The following USH1C variants were observed in gnomAD, a reference collection of about 807,000 sequenced individuals.
The protein encoded by USH1C is harmonin.
Under a neutral mutation model 119.3 loss-of-function variants are expected in USH1C, and 90 were observed. The observed-to-expected ratio is 0.75, with a 90% confidence interval of 0.64 to 0.90. The LOEUF (loss-of-function observed/expected upper bound fraction) is 0.90, where lower values mean the gene tolerates loss of function less well. Ranked by LOEUF, USH1C falls within the 40% of genes least tolerant of loss-of-function variation. USH1C has a pLI of 0.00. For synonymous variants in USH1C, 465 were observed against 443.3 expected, an observed-to-expected ratio of 1.05 and a Z score of -0.62; for missense variants, 1,165 against 1,167.7, an observed-to-expected ratio of 1.00 and a Z score of 0.03.
At chr11:17,539,074 G>A (rs541267060) in intron 1 of USH1C, among the ~76,000 whole-genome samples, 1 of 152,282 alleles carries the variant, frequency 6.6e-6, no homozygotes, top group Admixed American at 6.5e-5. Context: ...TTAGCCATTA[G>A]CAATGGTGGT....
chr11:17,530,106 C>A (rs1438345370), intron 4 of USH1C, among the ~76,000 whole-genome samples: 1 of 152,246 alleles, frequency 6.6e-6, no homozygotes, highest in Non-Finnish European at 1.5e-5. Flanking sequence ...CTGTTTCCAC[C>A]CCTTACGCCA....
intron 1 of USH1C, among the ~76,000 whole-genome samples, chr11:17,539,422 T>C (rs1851362219): frequency 6.6e-6 from 1 of 152,194 alleles, no homozygotes. Flanking sequence ...AGGACTAACA[T>C]CTCTTTTTAA....
At position 17,522,822 on chromosome 11, in the gene USH1C, G is replaced by C. The variant is rs2133876268; in HGVS notation, c.981C>G (p.Ser327=). Residue 327 remains serine (S), a synonymous_variant, in exon 12 of 27, where the codon TCC becomes TCG. Transcript: ENST00000005226. ...LLMQKRLAME[S]NKILQEQQEM... ...CCTGCTGCTCCTGGAGGATCTTGTT[G>C]GACTCCATCGCCAGCCGCTTCTGCA... 1.2e-6 allele frequency: 2 copies of C among 1,613,924 alleles called. No homozygotes were observed. Among genetic ancestry groups the C allele is most frequent in the Non-Finnish European group, 1.7e-6 (2 of 1,179,956 alleles).
chr11:17,541,069 G>C (rs1049282618), intron 1 of USH1C, among the ~76,000 whole-genome samples: 2 of 151,928 alleles, frequency 1.3e-5, no homozygotes. Flanking sequence ...TCCACTTTAG[G>C]GAATGCTCTT....
chr11:17,496,629 G>T, intron 25 of USH1C, 129 bp downstream of exon 25: 1 of 1,149,296 alleles, frequency 8.7e-7, no homozygotes, highest in East Asian at 2.5e-5. Context: ...AGGAGCTCTG[G>T]CTATGAGAAG....
In USH1C at chr11:17,527,391, A is replaced by T. The variant is rs1302800608; in HGVS notation, c.388-60T>A. The T allele has an allele frequency of 3.2e-5, 42 of 1,301,610 alleles. No individual in the cohort carries two copies. The East Asian group carries it at 8.3e-4, about 26-fold the overall frequency. 80.6% of individuals were successfully genotyped at this position (1,301,610 alleles called of 1,614,324 possible). On this transcript the variant is annotated intron_variant, in intron 4 of 26. Coordinates refer to ENST00000005226, the MANE Select transcript of USH1C (RefSeq NM_153676.4). ...GAGGGAGCATCAGGCAGTGGGGCAG[A>T]CTCACCACCAGATGCTCCCGGACTG...
At chr11:17,496,919 C>G in intron 24 of USH1C, 106 bp from the exon 25 acceptor site, 8 of 1,365,392 alleles carry the variant, frequency 5.9e-6, no homozygotes, top group Non-Finnish European at 8.2e-6. Flanking sequence ...ATCAGCCAGG[C>G]TGCACCTTCT....
Position 17,493,914 on chromosome 11 carries a change from A to C in USH1C, c.*418T>G. On this transcript the variant is annotated 3_prime_UTR_variant, in exon 27 of 27. Transcript: ENST00000005226. ...CTCCTATAAGCTGGAAAATAAATCTATTTTATTAATGAGCTCAGAGTAAGG... is the reference window on the plus strand; with the variant it reads ...CTCCTATAAGCTGGAAAATAAATCTCTTTTATTAATGAGCTCAGAGTAAGG... The C allele has an allele frequency of 6.4e-6, 1 of 155,210 alleles. No individual in the cohort carries two copies. Among genetic ancestry groups the C allele is most frequent in the Non-Finnish European group, 1.3e-5 (1 of 79,448 alleles). 9.6% of individuals were successfully genotyped at this position (155,210 alleles called of 1,614,324 possible).
chr11:17,501,181 C>A, intron 22 of USH1C, 31 bp from the exon 23 acceptor site: 1 of 1,566,864 alleles, frequency 6.4e-7, no homozygotes, highest in Non-Finnish European at 8.8e-7. Context: ...CTTAGGGAGC[C>A]AAGCAGACAG....
chr11:17,495,086 TG>T, intron 26 of USH1C: 1 of 239,490 alleles, frequency 4.2e-6, no homozygotes, highest in Non-Finnish European at 8.3e-6. Flanking sequence ...TGGCCAAGTG[TG>T]GGGGCCATGG....
chr11:17,501,549 G>A lies in USH1C; in HGVS notation c.2227-14C>T. ...CTCTGGGGTGAACTAGAGAGAAAAAGACAGTGGGAAGCTTTGAGCTGGCCT... is the reference window on the plus strand; with the variant it reads ...CTCTGGGGTGAACTAGAGAGAAAAAAACAGTGGGAAGCTTTGAGCTGGCCT... On this transcript the variant is annotated splice_polypyrimidine_tract_variant and intron_variant, in intron 21 of 26. Transcript: ENST00000005226. 6.2e-7 allele frequency: 1 copy of A among 1,610,482 alleles called. No individual in the cohort carries two copies. The highest frequency in any genetic ancestry group is 8.5e-7 in the Non-Finnish European group (1 of 1,178,126).
Position 17,517,424 on chromosome 11 carries a change from C to T in USH1C, c.1211-1134G>A, listed in dbSNP as rs115931035. 4,886 of 1,593,664 alleles carry T rather than the reference C, an allele frequency of 3.1e-3. 137 individuals are homozygous for T. The African/African-American group carries it at 0.051, about 17-fold the overall frequency. On this transcript the variant is annotated intron_variant, in intron 14 of 26. Transcript: ENST00000005226. ...ACCTGCTCTCCCTGCTCCTCCGTGC[C>T]TCCATCCAGGTCATCTGCGGGCTCG...
At chr11:17,537,277 C>T (rs1019309724) in intron 1 of USH1C, among the ~76,000 whole-genome samples, 2 of 152,204 alleles carry the variant, frequency 1.3e-5, no homozygotes, top group African/African-American at 4.8e-5. Flanking sequence ...TTTTGGGGAG[C>T]CCCTGCTCTA....
At chr11:17,542,511 A>C (rs1468774604) in intron 1 of USH1C, among the ~76,000 whole-genome samples, 2 of 152,220 alleles carry the variant, frequency 1.3e-5, no homozygotes, top group African/African-American at 4.8e-5. Context: ...TGCGATGAGG[A>C]AGAGTAGGGC....
chr11:17,514,671 TG>T (rs1850053655), intron 15 of USH1C: 1 of 152,160 alleles, frequency 6.6e-6, no homozygotes. Flanking sequence ...ATGAGGGGCA[TG>T]GTTCTGTTGT....
intron 15 of USH1C, chr11:17,514,536 T>C: frequency 6.6e-6 from 1 of 152,206 alleles, no homozygotes; most frequent in African/African-American, 2.4e-5. Flanking sequence ...AAGGGGAATT[T>C]ATGCACAGAT....
At chr11:17,520,471 TC>T (rs1281347844) in intron 14 of USH1C, among the ~76,000 whole-genome samples, 2 of 152,118 alleles carry the variant, frequency 1.3e-5, no homozygotes, top group African/African-American at 4.8e-5. Context: ...GTGAGGTCCT[TC>T]CCCTCTTTTC....
Position 17,526,805 on chromosome 11 carries a change from G to A in USH1C, c.527C>T (p.Pro176Leu), listed in dbSNP as rs1461558857. The change falls in exon 7 of 27, where the codon CCT becomes CTT. Residue 176 changes from proline to leucine, a missense_variant. Pro to Leu is a moderately conservative substitution (Grantham distance 98). Transcript: ENST00000005226. ...ATACTGCCAAGTGAGGGGCTCATCA[G>A]GAGAGCTGATGGGAAGGGAAAATAG... ...HIGLIPVKSS[P>L]DEPLTWQYVD... 3.7e-6 allele frequency: 6 copies of A among 1,614,122 alleles called. No individual in the cohort carries two copies. In the Middle Eastern group the frequency reaches 4.9e-4, roughly 133 times the overall value.
At chr11:17,527,065 AG>A (rs1239549832) in intron 5 of USH1C, 25 bp from the exon 6 acceptor site, 2 of 1,501,760 alleles carry the variant, frequency 1.3e-6, no homozygotes, top group South Asian at 2.4e-5. Flanking sequence ...CACAGGGGTT[AG>A]GACAGCTCCC....
Sources: gnomAD v4.1 joint callset for allele counts (sites outside exome capture counted in the v4.1 genomes callset) on GRCh38, gnomAD v4.1.1 for gene constraint, MANE v1.5 for transcripts, NCBI Gene and HGNC (gene_info 2026-07-23, HGNC 2026-07-21) for gene names.